Variants in GLOD4 observed in about 807,000 individuals in gnomAD.
GLOD4 encodes the protein glyoxalase domain containing 4, also known as glyoxalase domain-containing protein 4.
GLOD4 carries 44 observed loss-of-function variants against 39.1 expected under a neutral mutation model. The ratio of observed to expected loss-of-function variants is 1.13; its 90% CI spans 0.88 to 1.45. GLOD4 has a LOEUF of 1.45. GLOD4 is among the 40% of genes most tolerant of loss of function. GLOD4 has a pLI of 0.00. For missense variants in GLOD4, 405 were observed against 366.4 expected (o/e 1.11, Z -0.86); for synonymous variants, 145 against 135.0 (o/e 1.07, Z -0.52).
upstream of GLOD4, among the ~76,000 whole-genome samples, chr17:785,740 T>C (rs911457673): frequency 5.9e-5 from 9 of 152,364 alleles, no homozygotes; most frequent in African/African-American, 1.9e-4. Context: ...GCATTCAAGT[T>C]TTGAAATTCA....
chr17:781,757 C>T (rs1378045317), intron 1 of GLOD4: 1 of 184,498 alleles, frequency 5.4e-6, no homozygotes, highest in Non-Finnish European at 1.1e-5. Context: ...TCAGACCAGC[C>T]TTGCTAGAAG....
intron 1 of GLOD4, among the ~76,000 whole-genome samples, chr17:779,218 G>C (rs1567795832): frequency 6.6e-6 from 1 of 150,616 alleles, no homozygotes; most frequent in Admixed American, 6.7e-5. Context: ...AGGAGGTTGA[G>C]GCAGGAGAAT....
rs139770786 is a variant in GLOD4, at chr17:769,953, G to C, written c.747C>G (p.Asp249Glu). ...CCCCGACAAAGCAAATTTCATGTCC[G>C]TCCTACACCAATAAAGAGAAAAGAC... The part of the protein sequence containing the change: ...TVQVVILADP[D>E]GHEICFVGDE... Residue 249 changes from aspartate to glutamate, a missense_variant and splice_region_variant, in exon 8 of 9, where the codon GAC becomes GAG. Transcript: ENST00000301329. The C allele has an allele frequency of 2.4e-5, 39 of 1,604,554 alleles. No individual in the cohort carries two copies. Among genetic ancestry groups the C allele is most frequent in the Non-Finnish European group, 3.2e-5 (37 of 1,171,448 alleles).
intron 8 of GLOD4, among the ~76,000 whole-genome samples, chr17:768,013 G>A (rs867281675): frequency 1.2e-4 from 16 of 133,402 alleles, no homozygotes; most frequent in Middle Eastern, 7.5e-3. Flanking sequence ...GAGAAACAGC[G>A]CGCACTCAGA....
rs1233693097 is a variant in GLOD4 at position 770,476 on chromosome 17, C to T, written c.575G>A (p.Gly192Glu). The T allele has an allele frequency of 6.9e-6, 11 of 1,590,142 alleles. No individual in the cohort carries two copies. Among genetic ancestry groups the T allele is most frequent in the Non-Finnish European group, 8.6e-6 (10 of 1,158,070 alleles). The part of the protein sequence containing the change: ...CKLELQGVKG[G>E]VDHAAAFGRI... ...TCCAAAAGCTGCTGCATGGTCCACC[C>T]CACCCTTGACGCCCTGTAGCTCCAG... is the stretch of plus-strand genomic sequence containing the variant. The change falls in exon 6 of 9, where the codon GGG (glycine) becomes GAG (glutamate). Residue 192 changes from glycine (G) to glutamate (E), a missense_variant. By Grantham distance (98) the Gly-to-Glu change is moderately conservative (BLOSUM62 -2). Coordinates refer to ENST00000301329, the MANE Select transcript of GLOD4 (RefSeq NM_016080.4).
intron 8 of GLOD4, chr17:763,502 C>G (rs945621705): frequency 6.6e-6 from 1 of 152,224 alleles, no homozygotes; most frequent in Admixed American, 6.5e-5. Flanking sequence ...GCCTGGGCAA[C>G]AGAGTGAGGC....
At chr17:761,400 A>G (rs1462975172) in intron 8 of GLOD4, among the ~76,000 whole-genome samples, 1 of 152,198 alleles carries the variant, frequency 6.6e-6, no homozygotes, top group African/African-American at 2.4e-5. Context: ...AAAATCAAAG[A>G]TATGCTTAAA....
chr17:774,341 T>A (rs1908519909), intron 4 of GLOD4, among the ~76,000 whole-genome samples: 1 of 152,188 alleles, frequency 6.6e-6, no homozygotes. Flanking sequence ...TTTCCAGGAC[T>A]CCCTTCTCAG....
chr17:783,974 T>G (rs1027163188), upstream of GLOD4, among the ~76,000 whole-genome samples: 23 of 152,202 alleles, frequency 1.5e-4, no homozygotes. Context: ...TGGTGATAAC[T>G]GTCAATAAAC....
At chr17:779,207 C>G (rs1281863460) in intron 1 of GLOD4, among the ~76,000 whole-genome samples, 1 of 150,404 alleles carries the variant, frequency 6.6e-6, no homozygotes, top group South Asian at 2.1e-4. Context: ...CCCAGCTACT[C>G]AGGAGGTTGA....
rs1476776644 is a variant in GLOD4 at position 782,152 on chromosome 17, G to A, written c.90+14C>T. On this transcript the variant is annotated intron_variant, in intron 1 of 8. Coordinates refer to ENST00000301329, the MANE Select transcript of GLOD4 (RefSeq NM_016080.4). ...CAGCCTCGCGCGCCAGCCCCTGTCG[G>A]CCCCGGCCTGCACCTTCATCCCCAG... 1.3e-6 allele frequency: 2 copies of A among 1,578,198 alleles called. No individual in the cohort carries two copies. Among genetic ancestry groups the A allele is most frequent in the Non-Finnish European group, 1.7e-6 (2 of 1,157,144 alleles).
chr17:765,192 T>G, intron 8 of GLOD4: 1 of 151,058 alleles, frequency 6.6e-6, no homozygotes, highest in South Asian at 2.1e-4. Context: ...GAGATGGGCA[T>G]GAGGGAACTT....
chr17:761,859 A>G (rs889885350), intron 8 of GLOD4, among the ~76,000 whole-genome samples: 1 of 152,038 alleles, frequency 6.6e-6, no homozygotes, highest in African/African-American at 2.4e-5. Flanking sequence ...GAGGGAAAAA[A>G]CCCTTTGGGT....
upstream of GLOD4, chr17:782,312 C>T (rs759618173): frequency 1.2e-6 from 2 of 1,611,046 alleles, no homozygotes; most frequent in Admixed American, 3.4e-5. Flanking sequence ...ACGAAGGGCG[C>T]CACGGGCCGT....
At chr17:773,435 T>C (rs998442420) in intron 4 of GLOD4, among the ~76,000 whole-genome samples, 1 of 152,224 alleles carries the variant, frequency 6.6e-6, no homozygotes, top group Non-Finnish European at 1.5e-5. Flanking sequence ...CACTTAATTA[T>C]ATATACGTAT....
rs560298051 is a variant in GLOD4 at position 779,007 on chromosome 17, C to T, written c.91-263G>A. Among the ~76,000 whole-genome samples the T allele has an allele frequency of 4.6e-5, 7 of 152,168 alleles. No homozygotes were observed. In the South Asian group the frequency reaches 1.5e-3, roughly 32 times the overall value. On this transcript the variant is annotated intron_variant, in intron 1 of 8. Transcript: ENST00000301329. ...GCTATGCAGTGGGAAAAAGTGTGGC[C>T]TTCAGCATTAAAGAAGTCTGATTTG... is the stretch of plus-strand genomic sequence containing the variant.
intron 5 of GLOD4, 151 bp from the exon 6 acceptor site, chr17:770,658 T>G: frequency 1.8e-6 from 1 of 558,134 alleles, no homozygotes; most frequent in Non-Finnish European, 3.2e-6. Context: ...GTCCACACTT[T>G]CCTGTGTATC....
At chr17:765,739 C>G (rs897075112) in intron 8 of GLOD4, among the ~76,000 whole-genome samples, 2 of 151,818 alleles carry the variant, frequency 1.3e-5, no homozygotes, top group Admixed American at 1.3e-4. Flanking sequence ...CCACCGCACC[C>G]GGCCTACTCA....
upstream of GLOD4, chr17:783,239 C>A: frequency 6.2e-7 from 1 of 1,613,820 alleles, no homozygotes; most frequent in South Asian, 1.1e-5. Flanking sequence ...AGTTGCCAGT[C>A]GATAAGCTGA....
Sources: allele counts gnomAD v4.1 joint callset (sites outside exome capture counted in the v4.1 genomes callset), GRCh38; gene constraint gnomAD v4.1.1; transcripts MANE v1.5; gene names NCBI Gene and HGNC (gene_info 2026-07-23, HGNC 2026-07-21).